Variants in GPR161 observed in about 807,000 individuals in gnomAD.
The protein encoded by GPR161 is G protein-coupled receptor 161, also known as G-protein coupled receptor RE2.
A neutral mutation model predicts 39.2 loss-of-function variants in GPR161; 25 were observed. The observed-to-expected ratio is 0.64, with a 90% CI of 0.47 to 0.89. The LOEUF (loss-of-function observed/expected upper bound fraction) is 0.89, where lower values mean the gene tolerates loss of function less well. Ranked by LOEUF, GPR161 falls within the 40% of genes least tolerant of loss-of-function variation. The probability of loss-of-function intolerance (pLI) is 0.00; values close to 1 mark genes in which losing one functional copy is unlikely to be tolerated. For synonymous variants in GPR161, 286 were observed against 276.6 expected (o/e 1.03, Z -0.34); for missense variants, 547 against 677.8 (o/e 0.81, Z 2.14).
At chr1:168,121,572 G>A (rs1321270769) in intron 1 of GPR161, among the ~76,000 whole-genome samples, 1 of 152,146 alleles carries the variant, frequency 6.6e-6, no homozygotes, top group Non-Finnish European at 1.5e-5. Context: ...CAGGACTCAT[G>A]ATGAAGACAG....
intron 1 of GPR161, among the ~76,000 whole-genome samples, chr1:168,112,375 G>A (rs1175469652): frequency 6.6e-6 from 1 of 151,068 alleles, no homozygotes; most frequent in Non-Finnish European, 1.5e-5. Context: ...AGCTACTCGG[G>A]AGGCTGAGGC....
upstream of GPR161, chr1:168,137,481 C>A: frequency 2.5e-6 from 3 of 1,222,900 alleles, no homozygotes; most frequent in Non-Finnish European, 3.5e-6. Flanking sequence ...GAATTCGTCC[C>A]GAAGCCAGCC....
chr1:168,087,778 C>A, intron 4 of GPR161, 74 bp from the exon 5 acceptor site: 3 of 1,405,596 alleles, frequency 2.1e-6, no homozygotes, highest in Admixed American at 2.1e-5. Context: ...CCTCTCAACA[C>A]CCCTTCCACC....
upstream of GPR161, chr1:168,136,958 G>GCCC (rs1271768251): frequency 5.3e-6 from 2 of 380,250 alleles, no homozygotes; most frequent in African/African-American, 9.5e-5. Context: ...GCCCCGCCCC[G>GCCC]CCCCCCCCAC....
chr1:168,085,783 G>T lies in GPR161; in HGVS notation c.1338C>A (p.Asn446Lys). Residue 446 changes from asparagine to lysine, a missense_variant, in exon 6 of 6, where the codon AAC becomes AAA. Physicochemically the swap from Asn to Lys is moderately conservative, Grantham distance 94. Transcript: ENST00000682931. ...CTTCAGCTTTCACATGAAGAATCGA[G>T]TTCTTGGCAGCTTCTGAGGGAGAAG... ...EVEQIKEAAK[N>K]SILHVKAEVH... 6.2e-7 allele frequency: 1 copy of T among 1,610,546 alleles called. No individual in the cohort carries two copies. The highest frequency in any genetic ancestry group is 8.5e-7 in the Non-Finnish European group (1 of 1,176,990).
rs920026430 is a variant in GPR161 at position 168,084,756 on chromosome 1, G to A, written c.*775C>T. The A allele has an allele frequency of 6.7e-6, 3 of 450,668 alleles. No individual in the cohort carries two copies. Among genetic ancestry groups the A allele is most frequent in the African/African-American group, 2.1e-5 (1 of 48,538 alleles). The allele number at this position is 450,668 out of a possible 1,614,324, so 27.9% of individuals were successfully genotyped here. On this transcript the variant is annotated 3_prime_UTR_variant, in exon 6 of 6. Coordinates refer to ENST00000682931, the MANE Select transcript of GPR161 (RefSeq NM_001375883.1). ...ATTCAGTCCGGTAAAACAGTGGTAC[G>A]TCTTAAATGGATTTTTTTTTTAATT...
chr1:168,096,673 GCCATGTGGCCCAAGT>G lies in GPR161; in HGVS notation c.919_933del (p.Thr307_Trp311del). On this transcript the variant is annotated inframe_deletion, in exon 3 of 6. Transcript: ENST00000682931. The stretch of plus-strand genomic sequence containing the variant: ...TGGCAGACAGCGCTGGCAAAGGACA[GCCATGTGGCCCAAGT>G]CTCCAGGCTCGGGGAGACGGAGCTT... 4.3e-6 allele frequency: 7 copies of G among 1,614,182 alleles called. No homozygotes were observed. Among genetic ancestry groups the G allele is most frequent in the Non-Finnish European group, 5.9e-6 (7 of 1,180,034 alleles).
At position 168,108,020 on chromosome 1, in the gene GPR161, T is replaced by C. The variant is rs191078676; in HGVS notation, c.-44-3126A>G. 2.0e-4 allele frequency among the ~76,000 whole-genome samples: 30 copies of C among 152,314 alleles called. No individual in the cohort carries two copies. In the East Asian group the frequency reaches 5.8e-3, roughly 29 times the overall value. On this transcript the variant is annotated intron_variant, in intron 1 of 5. Transcript: ENST00000682931. ...CTGGGTAACTTATAAAGAAAAGATG[T>C]TTATTTAGCTCATGGTTCTGCAGGC...
chr1:168,119,632 A>C (rs1697995214), intron 1 of GPR161, among the ~76,000 whole-genome samples: 1 of 152,138 alleles, frequency 6.6e-6, no homozygotes, highest in Non-Finnish European at 1.5e-5. Flanking sequence ...CTGTGCACTT[A>C]AAAATGGTTA....
intron 2 of GPR161, among the ~76,000 whole-genome samples, chr1:168,102,515 A>T (rs1222425821): frequency 4.6e-5 from 7 of 152,074 alleles, no homozygotes; most frequent in Non-Finnish European, 8.8e-5. Context: ...TCCAACCAAT[A>T]TTTCCAGTGT....
chr1:168,120,451 G>C (rs575166140), intron 1 of GPR161, among the ~76,000 whole-genome samples: 13 of 152,204 alleles, frequency 8.5e-5, no homozygotes, highest in Non-Finnish European at 8.8e-5. Flanking sequence ...GAAGGGACTT[G>C]CCTTGTCTTA....
chr1:168,136,096 G>A lies in GPR161; in HGVS notation c.-45+643C>T, dbSNP rs1456425992. 7 of 1,262,802 alleles carry A rather than the reference G, an allele frequency of 5.5e-6. No homozygotes were observed. The South Asian group carries it at 8.8e-5, about 16-fold the overall frequency. 78.2% of individuals were successfully genotyped at this position (1,262,802 alleles called of 1,614,324 possible). A position where few individuals can be genotyped will look rare whatever the true frequency, so the allele number is the denominator to read the frequency against. ...CCAGAAGGCGCCGAGGGCTGGTCGA[G>A]TTCTCCCCTTTCCAAGAACCAGCCG... On this transcript the variant is annotated intron_variant, in intron 1 of 5. Transcript: ENST00000682931.
chr1:168,136,955 C>T, upstream of GPR161: 2 of 939,190 alleles, frequency 2.1e-6, no homozygotes, highest in Non-Finnish European at 2.5e-6. Flanking sequence ...CGCGCCCCGC[C>T]CCGCCCCCCC....
In GPR161 at chr1:168,129,372, T is replaced by C. The variant is rs141614757; in HGVS notation, c.-45+7367A>G. Among the ~76,000 whole-genome samples, 640 of 152,190 alleles carry C rather than the reference T, an allele frequency of 4.2e-3. 2 individuals are homozygous for C. The highest frequency in any genetic ancestry group is 7.0e-3 in the Non-Finnish European group (473 of 67,996). On this transcript the variant is annotated intron_variant, in intron 1 of 5. Coordinates refer to ENST00000682931, the MANE Select transcript of GPR161 (RefSeq NM_001375883.1). ...ACTTTGGAGACAGTCGGGGGCCAGA[T>C]TACAAAAAGCATTGCAGGCCTGGAG...
chr1:168,111,002 T>C (rs1200823277), intron 1 of GPR161, among the ~76,000 whole-genome samples: 2 of 151,066 alleles, frequency 1.3e-5, no homozygotes, highest in Admixed American at 6.6e-5. Flanking sequence ...CAGATTTAGC[T>C]AAAAAGAAAG....
At chr1:168,132,946 T>C (rs1460023427) in intron 1 of GPR161, among the ~76,000 whole-genome samples, 2 of 152,156 alleles carry the variant, frequency 1.3e-5, no homozygotes, top group Non-Finnish European at 2.9e-5. Context: ...GGTTTCACCA[T>C]GTTGGTCAGG....
chr1:168,108,289 A>G (rs1572321635), intron 1 of GPR161, among the ~76,000 whole-genome samples: 1 of 151,534 alleles, frequency 6.6e-6, no homozygotes, highest in Non-Finnish European at 1.5e-5. Flanking sequence ...CAACAAAAAC[A>G]CCTCCCACCA....
At chr1:168,085,840 C>A in intron 5 of GPR161, 44 bp from the exon 6 acceptor site, 1 of 1,556,140 alleles carries the variant, frequency 6.4e-7, no homozygotes, top group South Asian at 1.2e-5. Flanking sequence ...GGAGCCAGGC[C>A]TGGGGACTAC....
intron 1 of GPR161, among the ~76,000 whole-genome samples, chr1:168,125,082 C>T (rs1385733488): frequency 1.3e-5 from 2 of 152,186 alleles, no homozygotes; most frequent in African/African-American, 4.8e-5. Flanking sequence ...TCTCTGTCTC[C>T]TTTTTATACT....
Sources: gnomAD v4.1 joint callset for allele counts (sites outside exome capture counted in the v4.1 genomes callset) on GRCh38, gnomAD v4.1.1 for gene constraint, MANE v1.5 for transcripts, NCBI Gene and HGNC (gene_info 2026-07-23, HGNC 2026-07-21) for gene names.